COL5A1: variants seen among roughly 807,000 people sequenced by gnomAD.
COL5A1 encodes collagen alpha-1(V) chain.
Under a neutral mutation model 263.7 loss-of-function variants are expected in COL5A1, and 16 were observed. The ratio of observed to expected loss-of-function variants is 0.06; its 90% CI spans 0.04 to 0.09. The LOEUF (loss-of-function observed/expected upper bound fraction) is 0.09, where lower values mean the gene tolerates loss of function less well. Ranked by LOEUF, COL5A1 falls within the 10% of genes least tolerant of loss-of-function variation. The pLI, the probability that COL5A1 is intolerant of heterozygous loss-of-function variation, is 1.00. For synonymous variants in COL5A1, 1,012 were observed against 1,004.5 expected, an observed-to-expected ratio of 1.01 and a Z score of -0.14; for missense variants, 2,036 against 2,540.5, an observed-to-expected ratio of 0.80 and a Z score of 4.27.
Position 134,765,125 on chromosome 9 carries a change from T to C in COL5A1, c.2035-556T>C, listed in dbSNP as rs904866902. Among the ~76,000 whole-genome samples, 1 of 151,952 alleles carries C rather than the reference T, an allele frequency of 6.6e-6. No homozygotes were observed. The highest frequency in any genetic ancestry group is 6.6e-5 in the Admixed American group (1 of 15,256). ...AGGGCGTGCCAGCTCTTGCCCAGAG[T>C]AGCGTCCTGGAAAAGATCTGTACCC... On this transcript the variant is annotated intron_variant, in intron 20 of 65. Transcript: ENST00000371817. This position sits in a 1 kb window ranked among gnomAD's most constrained non-coding sequence, Gnocchi z 5.1.
At chr9:134,837,867 C>T (rs185122670) in intron 65 of COL5A1, among the ~76,000 whole-genome samples, 45 of 152,314 alleles carry the variant, frequency 3.0e-4, no homozygotes, top group Admixed American at 7.2e-4. Context: ...AGAGTTACGG[C>T]GACTCGCCCA....
At chr9:134,761,269 G>A (rs78963656) in intron 18 of COL5A1, among the ~76,000 whole-genome samples, 19,726 of 148,728 alleles carry the variant, frequency 0.13, 2,198 homozygotes, top group African/African-American at 0.29. Context: ...ACGTGCACTC[G>A]CATACACACA....
rs2132830834 is a variant in COL5A1 at position 134,806,286 on chromosome 9, A to C, written c.3356A>C (p.Lys1119Thr). The change falls in exon 42 of 66, where the codon AAA (lysine) becomes ACA (threonine). Residue 1119 changes from lysine to threonine, a missense_variant. Transcript: ENST00000371817. ...PQGPPGPAGE[K>T]GAPGEKGPQG... The stretch of plus-strand genomic sequence containing the variant: ...GGACCCCCAGGGCCGGCAGGAGAGA[A>C]AGGGGCTCCTGTAAGTACTGCCTTG... The C allele has an allele frequency of 6.5e-7, 1 of 1,547,814 alleles. No homozygotes were observed. Among genetic ancestry groups the C allele is most frequent in the East Asian group, 2.4e-5 (1 of 40,886 alleles).
rs892928939 is a variant in COL5A1, at chr9:134,711,336, G to A, written c.654+10003G>A. ...CTGGGTGCTGTCGTATAGACCGTGC[G>A]CCTGGGGTGTGGGGCTGTGTCTTGC... On this transcript the variant is annotated intron_variant, in intron 4 of 65. Transcript: ENST00000371817. Among the ~76,000 whole-genome samples the A allele has an allele frequency of 2.6e-5, 4 of 152,226 alleles. No homozygotes were observed. In the South Asian group the frequency reaches 6.2e-4, roughly 24 times the overall value.
At position 134,822,995 on chromosome 9, in the gene COL5A1, C is replaced by T. The variant is rs200851543; in HGVS notation, c.4609-3C>T. On this transcript the variant is annotated splice_polypyrimidine_tract_variant and splice_region_variant and intron_variant, in intron 59 of 65. Transcript: ENST00000371817. ...CTGACGTTCTGCCCTCCTCTCTCTGCAGGGTCCGCCTGGTCCAAAAGGTGC... is the reference window on the plus strand; with the variant it reads ...CTGACGTTCTGCCCTCCTCTCTCTGTAGGGTCCGCCTGGTCCAAAAGGTGC... The T allele has an allele frequency of 2.5e-6, 4 of 1,614,066 alleles. No homozygotes were observed. The East Asian group carries it at 6.7e-5, about 27-fold the overall frequency.
intron 1 of COL5A1, among the ~76,000 whole-genome samples, chr9:134,679,586 T>C (rs1310770954): frequency 0.012 from 372 of 30,004 alleles, 49 homozygotes; most frequent in Admixed American, 0.02. Context: ...AGGGGCACTG[T>C]GGGGCTGGTT....
At chr9:134,760,011 C>T (rs533651120) in intron 18 of COL5A1, among the ~76,000 whole-genome samples, 1 of 125,066 alleles carries the variant, frequency 8.0e-6, no homozygotes, top group South Asian at 2.8e-4. Flanking sequence ...CACTCATACA[C>T]ACATGCACAC....
At chr9:134,654,070 G>A (rs1414066318) in intron 1 of COL5A1, among the ~76,000 whole-genome samples, 2 of 140,166 alleles carry the variant, frequency 1.4e-5, no homozygotes, top group African/African-American at 2.7e-5. Flanking sequence ...GTGCAGGGCT[G>A]GGTGTGTGTA....
intron 25 of COL5A1, among the ~76,000 whole-genome samples, 175 bp downstream of exon 25, chr9:134,768,638 G>A (rs973149862): frequency 3.9e-5 from 6 of 152,230 alleles, no homozygotes; most frequent in Non-Finnish European, 5.9e-5. Context: ...TTGGGTTCTG[G>A]ACACCCTTAA....
rs1051302630 is a variant in COL5A1, at chr9:134,758,043, A to G, written c.1882-200A>G. 5.3e-5 allele frequency among the ~76,000 whole-genome samples: 8 copies of G among 152,176 alleles called. No homozygotes were observed. The highest frequency in any genetic ancestry group is 9.7e-5 in the African/African-American group (4 of 41,440). ...ATCTCCCCCTTTGCAGCCCATGTTC[A>G]TGTTTGCAGGGGAAGAGGCTGAGAT... On this transcript the variant is annotated intron_variant, in intron 17 of 65. Coordinates refer to ENST00000371817, the MANE Select transcript of COL5A1 (RefSeq NM_000093.5). The surrounding 1 kb of genome is among the most constrained non-coding windows in gnomAD (Gnocchi z 4.1).
At chr9:134,728,250 C>T (rs1834730589) in intron 5 of COL5A1, among the ~76,000 whole-genome samples, 1 of 152,216 alleles carries the variant, frequency 6.6e-6, no homozygotes, top group African/African-American at 2.4e-5. Flanking sequence ...CAGGACAAGG[C>T]CTACTCTGTC....
chr9:134,824,715 C>G lies in COL5A1; in HGVS notation c.4814C>G (p.Ala1605Gly), dbSNP rs145175057. The G allele has an allele frequency of 3.1e-6, 5 of 1,614,202 alleles. No individual in the cohort carries two copies. Among genetic ancestry groups the G allele is most frequent in the African/African-American group, 1.3e-5 (1 of 75,056 alleles). The change falls in exon 62 of 66, where the codon GCG (alanine) becomes GGG (glycine). Residue 1605 changes from alanine (A) to glycine (G), a missense_variant. Coordinates refer to ENST00000371817, the MANE Select transcript of COL5A1 (RefSeq NM_000093.5). The stretch of plus-strand genomic sequence containing the variant: ...AATGGCGAGAACTACGTGGACTACG[C>G]GGACGGCATGGAAGAGATCTTCGGC... ...DGNGENYVDYADGMEEIFGSL... is the reference protein window; with the variant it reads ...DGNGENYVDYGDGMEEIFGSL...
rs1158897025 is a variant in COL5A1, at chr9:134,844,096, C to T, written c.*1793C>T. On this transcript the variant is annotated 3_prime_UTR_variant, in exon 66 of 66. Coordinates refer to ENST00000371817, the MANE Select transcript of COL5A1 (RefSeq NM_000093.5). ...GCCCTTGGGGTGAGCCTGCGGGGCTCTGGTGCTGTCCCCGACCCCCACCAC... is the reference window on the plus strand; with the variant it reads ...GCCCTTGGGGTGAGCCTGCGGGGCTTTGGTGCTGTCCCCGACCCCCACCAC... 4 of 152,470 alleles carry T rather than the reference C, an allele frequency of 2.6e-5. No individual in the cohort carries two copies. Among genetic ancestry groups the T allele is most frequent in the Non-Finnish European group, 5.9e-5 (4 of 68,048 alleles). The allele number at this position is 152,470 out of a possible 1,614,324, so 9.4% of individuals were successfully genotyped here.
At chr9:134,720,600 G>A (rs977544698) in intron 4 of COL5A1, among the ~76,000 whole-genome samples, 10 of 152,338 alleles carry the variant, frequency 6.6e-5, no homozygotes, top group African/African-American at 2.4e-4. Flanking sequence ...GGTTGAGAAG[G>A]ATTCTGAGGG....
chr9:134,826,930 C>A (rs1020443292), intron 63 of COL5A1, among the ~76,000 whole-genome samples: 2 of 152,140 alleles, frequency 1.3e-5, no homozygotes, highest in Non-Finnish European at 2.9e-5. Flanking sequence ...TGCTATCCCT[C>A]AAGCATGCAC....
chr9:134,764,098 G>A (rs1168747263), intron 20 of COL5A1, among the ~76,000 whole-genome samples: 2 of 142,466 alleles, frequency 1.4e-5, no homozygotes, highest in African/African-American at 5.3e-5. Context: ...TGGGGTCCGG[G>A]GTCAGTGTGG....
intron 6 of COL5A1, among the ~76,000 whole-genome samples, chr9:134,729,931 G>T (rs1174505720): frequency 6.6e-6 from 1 of 152,182 alleles, no homozygotes; most frequent in African/African-American, 2.4e-5. Context: ...TGCTACTTTT[G>T]TTTTTTAAAT....
chr9:134,646,178 G>A (rs370630578), intron 1 of COL5A1, among the ~76,000 whole-genome samples: 9 of 152,180 alleles, frequency 5.9e-5, no homozygotes, highest in Admixed American at 2.0e-4. Context: ...TGGGGAGACC[G>A]AGGCAAATGG....
At chr9:134,793,552 G>A (rs910953668) in intron 32 of COL5A1, among the ~76,000 whole-genome samples, 24 of 152,174 alleles carry the variant, frequency 1.6e-4, no homozygotes, top group African/African-American at 5.3e-4. Context: ...CCTGTGCCTC[G>A]GGCACAGTCA....
Sources: allele counts gnomAD v4.1 joint callset (sites outside exome capture counted in the v4.1 genomes callset), GRCh38; gene constraint gnomAD v4.1.1; non-coding constraint Gnocchi (gnomAD v3.1); transcripts MANE v1.5; gene names NCBI Gene and HGNC (gene_info 2026-07-23, HGNC 2026-07-21).